ARFGEF1: variants seen among roughly 807,000 people sequenced by gnomAD.
ARFGEF1 encodes ARF guanine nucleotide exchange factor 1.
ARFGEF1 carries 42 observed loss-of-function variants against 231.0 expected under a neutral mutation model. That is an observed-to-expected ratio of 0.18 (90% CI 0.14 to 0.24). ARFGEF1 has a LOEUF of 0.24. Among genes scored for constraint, ARFGEF1 ranks in the 10% least tolerant of loss-of-function variants. ARFGEF1 has a pLI of 1.00. For missense variants in ARFGEF1, 1,345 were observed against 2,192.0 expected, an observed-to-expected ratio of 0.61 and a Z score of 7.72; for synonymous variants, 710 against 732.3, an observed-to-expected ratio of 0.97 and a Z score of 0.49.
chr8:67,200,155 T>G, intron 38 of ARFGEF1: 1 of 523,770 alleles, frequency 1.9e-6, no homozygotes, highest in Non-Finnish European at 3.7e-6. Flanking sequence ...GGGATTCTGA[T>G]CCCTCGCCTA....
intron 5 of ARFGEF1, among the ~76,000 whole-genome samples, chr8:67,295,509 C>G (rs901222911): frequency 2.6e-5 from 4 of 151,984 alleles, no homozygotes; most frequent in African/African-American, 9.7e-5. Flanking sequence ...ATTCTAATCA[C>G]GAGAAAACAT....
At position 67,218,081 on chromosome 8, in the gene ARFGEF1, A is replaced by C; in HGVS notation, c.4396T>G (p.Phe1466Val). ...NHALYAICDV[F>V]TQYLEVLSDV... Reference sequence around the variant, plus strand: ...CTGAGTACTTCTAAATACTGAGTGAATACATCACAGATTGCATAAAGTGCA... The same window carrying C: ...CTGAGTACTTCTAAATACTGAGTGACTACATCACAGATTGCATAAAGTGCA... Residue 1466 changes from phenylalanine to valine, a missense_variant, in exon 31 of 39, where the codon TTC becomes GTC. Coordinates refer to ENST00000262215, the MANE Select transcript of ARFGEF1 (RefSeq NM_006421.5). The C allele has an allele frequency of 1.2e-6, 2 of 1,601,006 alleles. No homozygotes were observed. Among genetic ancestry groups the C allele is most frequent in the Non-Finnish European group, 1.7e-6 (2 of 1,173,228 alleles).
At chr8:67,217,746 C>A (rs1489191998) in intron 32 of ARFGEF1, 36 bp downstream of exon 32, 1 of 1,600,528 alleles carries the variant, frequency 6.2e-7, no homozygotes, top group South Asian at 1.1e-5. Flanking sequence ...ATTCAATATA[C>A]AAATATAAAT....
At chr8:67,271,532 A>T (rs1349668194) in intron 10 of ARFGEF1, among the ~76,000 whole-genome samples, 170 bp downstream of exon 10, 1 of 152,246 alleles carries the variant, frequency 6.6e-6, no homozygotes, top group African/African-American at 2.4e-5. Flanking sequence ...TCCAGTGCCT[A>T]GTACTTCGTT....
chr8:67,225,933 G>T, intron 28 of ARFGEF1, 90 bp downstream of exon 28: 2 of 1,255,570 alleles, frequency 1.6e-6, no homozygotes, highest in Non-Finnish European at 2.1e-6. Flanking sequence ...AAAAATAAAT[G>T]CTTCATATAC....
chr8:67,266,091 T>C lies in ARFGEF1; in HGVS notation c.2038A>G (p.Ser680Gly). The change falls in exon 14 of 39, where the codon AGT becomes GGT. Residue 680 changes from serine (S) to glycine (G), a missense_variant. This residue lies in a region of ARFGEF1 where 105 missense variants were observed against 159.3 expected (regional missense o/e 0.66). Transcript: ENST00000262215. Reference sequence around the variant, plus strand: ...TTATCAGTGCCAGACATCTGTGTACTGTAGCTGCCTATTCCTGATGATGAT... The same window carrying C: ...TTATCAGTGCCAGACATCTGTGTACCGTAGCTGCCTATTCCTGATGATGAT... ...STSSSGIGSY[S>G]TQMSGTDNPE... 2 of 1,613,928 alleles carry C rather than the reference T, an allele frequency of 1.2e-6. No homozygotes were observed. The highest frequency in any genetic ancestry group is 1.3e-5 in the African/African-American group (1 of 75,038).
At chr8:67,301,949 G>C (rs568152931) in intron 2 of ARFGEF1, among the ~76,000 whole-genome samples, 3 of 152,254 alleles carry the variant, frequency 2.0e-5, no homozygotes, top group African/African-American at 7.2e-5. Flanking sequence ...GCTCATGCCT[G>C]TAATCCCAGC....
At position 67,267,247 on chromosome 8, in the gene ARFGEF1, T is replaced by C; in HGVS notation, c.1673-17A>G. ...TCTGAGCATCTGTAACAATATAACATTAATTTCAACAAAGTACATCTAGGA... is the reference window on the plus strand; with the variant it reads ...TCTGAGCATCTGTAACAATATAACACTAATTTCAACAAAGTACATCTAGGA... On this transcript the variant is annotated splice_polypyrimidine_tract_variant and intron_variant, in intron 11 of 38. Transcript: ENST00000262215. The C allele has an allele frequency of 6.2e-7, 1 of 1,609,418 alleles. No homozygotes were observed. Among genetic ancestry groups the C allele is most frequent in the Non-Finnish European group, 8.5e-7 (1 of 1,178,170 alleles).
At chr8:67,228,339 G>C in intron 23 of ARFGEF1, 75 bp from the exon 24 acceptor site, 2 of 1,368,256 alleles carry the variant, frequency 1.5e-6, no homozygotes, top group Non-Finnish European at 1.0e-6. Context: ...ATGTGGCATG[G>C]GGTACTAGCT....
chr8:67,256,997 C>T (rs1247429690), intron 17 of ARFGEF1, among the ~76,000 whole-genome samples: 1 of 152,058 alleles, frequency 6.6e-6, no homozygotes, highest in Non-Finnish European at 1.5e-5. Flanking sequence ...AGAACAAGAC[C>T]GGCCATAAGT....
At chr8:67,296,342 C>G in intron 5 of ARFGEF1, 89 bp downstream of exon 5, 1 of 1,180,094 alleles carries the variant, frequency 8.5e-7, no homozygotes, top group Non-Finnish European at 1.2e-6. Flanking sequence ...TCTACAGGTA[C>G]AAAGATTTCA....
At chr8:67,336,675 G>A (rs1808357469) in intron 1 of ARFGEF1, among the ~76,000 whole-genome samples, 1 of 152,078 alleles carries the variant, frequency 6.6e-6, no homozygotes, top group Non-Finnish European at 1.5e-5. Context: ...TTCCTTAAAA[G>A]GACACCATTC....
intron 1 of ARFGEF1, among the ~76,000 whole-genome samples, chr8:67,310,139 G>C (rs1159049732): frequency 2.0e-5 from 3 of 151,766 alleles, no homozygotes; most frequent in Non-Finnish European, 4.4e-5. Flanking sequence ...CTCTTTCCAC[G>C]GTCTCCCTCT....
intron 1 of ARFGEF1, among the ~76,000 whole-genome samples, chr8:67,311,159 G>A (rs1484601488): frequency 1.4e-5 from 2 of 147,698 alleles, no homozygotes; most frequent in Non-Finnish European, 3.0e-5. Flanking sequence ...GGGAGGTGAG[G>A]GGCGCCTCTG....
intron 4 of ARFGEF1, among the ~76,000 whole-genome samples, chr8:67,297,158 T>G (rs1238484248): frequency 2.0e-5 from 3 of 152,204 alleles, no homozygotes; most frequent in Non-Finnish European, 2.9e-5. Context: ...TTTAACTGAT[T>G]TGTTTCAACC....
intron 17 of ARFGEF1, among the ~76,000 whole-genome samples, chr8:67,257,118 A>T (rs1170520382): frequency 6.6e-6 from 1 of 151,750 alleles, no homozygotes; most frequent in Non-Finnish European, 1.5e-5. Flanking sequence ...GCCCTCTGTC[A>T]CCCAGGATGG....
chr8:67,283,005 A>C (rs575590605), intron 7 of ARFGEF1, among the ~76,000 whole-genome samples: 42 of 152,028 alleles, frequency 2.8e-4, no homozygotes, highest in Non-Finnish European at 5.6e-4. Context: ...AGAAAAGGAA[A>C]AAATAGGCAA....
At chr8:67,204,414 C>T (rs1043879324) in intron 35 of ARFGEF1, among the ~76,000 whole-genome samples, 4 of 152,192 alleles carry the variant, frequency 2.6e-5, no homozygotes, top group Non-Finnish European at 5.9e-5. Context: ...CTCCCCATGC[C>T]TCATGGATTC....
chr8:67,326,367 G>C (rs1260059102), intron 1 of ARFGEF1, among the ~76,000 whole-genome samples: 2 of 152,176 alleles, frequency 1.3e-5, no homozygotes, highest in African/African-American at 4.8e-5. Flanking sequence ...ATCTGCAAGA[G>C]TAAATCTATA....
Sources: gnomAD v4.1 joint callset for allele counts (sites outside exome capture counted in the v4.1 genomes callset) on GRCh38, gnomAD v4.1.1 for gene constraint, gnomAD v4.1.1 regional missense constraint, MANE v1.5 for transcripts, NCBI Gene and HGNC (gene_info 2026-07-23, HGNC 2026-07-21) for gene names.